CNTN4: variants seen among roughly 807,000 people sequenced by gnomAD.
The protein encoded by CNTN4 is contactin 4, also known as contactin-4.
In CNTN4, 77 loss-of-function variants were observed where a neutral mutation model predicts 122.5. The observed-to-expected ratio is 0.63, with a 90% CI of 0.52 to 0.76. The LOEUF (loss-of-function observed/expected upper bound fraction) is 0.76. Among genes scored for constraint, CNTN4 ranks in the 30% least tolerant of loss-of-function variants. The probability of loss-of-function intolerance (pLI) is 0.00; values close to 1 mark genes in which losing one functional copy is unlikely to be tolerated. For missense variants in CNTN4, 1,256 were observed against 1,259.1 expected, an observed-to-expected ratio of 1.00 and a Z score of 0.04; for synonymous variants, 512 against 447.0, an observed-to-expected ratio of 1.15 and a Z score of -1.83.
At chr3:2,156,234 G>A (rs897055377) in intron 2 of CNTN4, among the ~76,000 whole-genome samples, 8 of 152,190 alleles carry the variant, frequency 5.3e-5, no homozygotes, top group African/African-American at 1.4e-4. Context: ...TGGGGACTTA[G>A]GAGGTGGCTG....
intron 7 of CNTN4, among the ~76,000 whole-genome samples, chr3:2,837,999 A>G (rs1316359063): frequency 4.6e-5 from 7 of 152,234 alleles, no homozygotes; most frequent in Admixed American, 4.6e-4. Flanking sequence ...TAGCTCATAA[A>G]CAATTAAGAA....
chr3:2,395,337 A>G (rs778424687), intron 3 of CNTN4, among the ~76,000 whole-genome samples: 6 of 152,146 alleles, frequency 3.9e-5, no homozygotes, highest in Non-Finnish European at 8.8e-5. Context: ...GAGGTAAGCC[A>G]TTCTTTTGGG....
At chr3:2,746,875 T>C (rs2149566446) in intron 6 of CNTN4, among the ~76,000 whole-genome samples, 1 of 152,366 alleles carries the variant, frequency 6.6e-6, no homozygotes, top group East Asian at 1.9e-4. Context: ...TGTGATTGAA[T>C]GTAACAGAAC....
chr3:2,252,154 A>C (rs1323480811), intron 2 of CNTN4, among the ~76,000 whole-genome samples: 1 of 152,024 alleles, frequency 6.6e-6, no homozygotes, highest in Non-Finnish European at 1.5e-5. Flanking sequence ...AGATATTAGA[A>C]ACAACAGTCT....
chr3:2,102,962 AAAT>A (rs1030396994), intron 2 of CNTN4, among the ~76,000 whole-genome samples: 1 of 152,038 alleles, frequency 6.6e-6, no homozygotes, highest in Non-Finnish European at 1.5e-5. Flanking sequence ...TGGATACAAT[AAAT>A]AATAATAGAA....
chr3:2,742,735 A>T (rs561359549), intron 5 of CNTN4, among the ~76,000 whole-genome samples: 10 of 152,240 alleles, frequency 6.6e-5, no homozygotes, highest in Admixed American at 3.3e-4. Flanking sequence ...CCTTGGGAAA[A>T]TCTCTATTGG....
intron 4 of CNTN4, among the ~76,000 whole-genome samples, chr3:2,608,558 G>T (rs1661614738): frequency 6.6e-6 from 1 of 152,200 alleles, no homozygotes; most frequent in African/African-American, 2.4e-5. Context: ...TACAACCTCT[G>T]CCTCATGGGT....
intron 18 of CNTN4, 112 bp downstream of exon 18, chr3:3,037,440 C>A: frequency 7.1e-7 from 1 of 1,410,114 alleles, no homozygotes; most frequent in Non-Finnish European, 1.0e-6. Flanking sequence ...GTTAGCTCAC[C>A]CTTCCCTTTA....
At chr3:3,030,760 TA>T in intron 15 of CNTN4, 94 bp from the exon 16 acceptor site, 1 of 1,411,748 alleles carries the variant, frequency 7.1e-7, no homozygotes, top group Non-Finnish European at 1.0e-6. Context: ...TCAGCCAGTG[TA>T]AAATAAATCC....
Position 2,745,551 on chromosome 3 carries a change from C to A in CNTN4, c.212C>A (p.Thr71Asn). ...AAGTTAAATGGAACAGATGTTGACA[C>A]TGGTATGGATTTCCGCTACAGTGTT... is the stretch of plus-strand genomic sequence containing the variant. ...RWKLNGTDVD[T>N]GMDFRYSVVE... Residue 71 changes from threonine to asparagine, a missense_variant, in exon 6 of 25, where the codon ACT becomes AAT. Physicochemically the swap from Thr to Asn is moderately conservative, Grantham distance 65. Transcript: ENST00000418658. 1 of 1,614,102 alleles carries A rather than the reference C, an allele frequency of 6.2e-7. No individual in the cohort carries two copies.
chr3:2,325,945 A>G (rs1483148698), intron 2 of CNTN4, among the ~76,000 whole-genome samples: 1 of 152,234 alleles, frequency 6.6e-6, no homozygotes, highest in African/African-American at 2.4e-5. Flanking sequence ...GGGGAAAATT[A>G]TAACTTGATA....
At chr3:2,115,647 C>T (rs1209027680) in intron 2 of CNTN4, among the ~76,000 whole-genome samples, 2 of 152,164 alleles carry the variant, frequency 1.3e-5, no homozygotes, top group African/African-American at 4.8e-5. Flanking sequence ...AGAAAGGTAC[C>T]TTGTAAACTT....
intron 17 of CNTN4, among the ~76,000 whole-genome samples, chr3:3,036,177 A>C (rs1699586077): frequency 1.3e-5 from 2 of 152,228 alleles, no homozygotes; most frequent in Non-Finnish European, 2.9e-5. Context: ...AGACAGCAAA[A>C]GTAGGCTATA....
chr3:2,705,555 T>TAATTTATA (rs1317270249), intron 4 of CNTN4, among the ~76,000 whole-genome samples: 7 of 79,786 alleles, frequency 8.8e-5, no homozygotes, highest in Non-Finnish European at 8.2e-5. Flanking sequence ...TAAATATATA[T>TAATTTATA]AATTTATAAA....
intron 7 of CNTN4, among the ~76,000 whole-genome samples, chr3:2,823,397 T>G (rs1216361744): frequency 1.3e-5 from 2 of 152,240 alleles, no homozygotes; most frequent in Non-Finnish European, 2.9e-5. Context: ...GCAATTAATC[T>G]GTTTTGAAAA....
chr3:2,734,571 C>T (rs1368440712), intron 4 of CNTN4, among the ~76,000 whole-genome samples: 2 of 152,120 alleles, frequency 1.3e-5, no homozygotes, highest in East Asian at 1.9e-4. Flanking sequence ...GTCCTCAGTC[C>T]CCAGTAATAA....
At chr3:2,538,633 G>C (rs2077907781) in intron 3 of CNTN4, among the ~76,000 whole-genome samples, 1 of 151,878 alleles carries the variant, frequency 6.6e-6, no homozygotes, top group African/African-American at 2.4e-5. Context: ...TGAAGCTATT[G>C]ATTGTACTTG....
At chr3:2,574,003 G>T (rs2079544075) in intron 4 of CNTN4, among the ~76,000 whole-genome samples, 1 of 152,070 alleles carries the variant, frequency 6.6e-6, no homozygotes, top group Non-Finnish European at 1.5e-5. Flanking sequence ...GATAACCTGA[G>T]GTCAGGAGTT....
chr3:2,150,594 T>C (rs2035455564), intron 2 of CNTN4, among the ~76,000 whole-genome samples: 1 of 152,230 alleles, frequency 6.6e-6, no homozygotes, highest in African/African-American at 2.4e-5. Flanking sequence ...AGCTTGCACT[T>C]AATCATTTGA....
Sources: gnomAD v4.1 joint callset for allele counts (sites outside exome capture counted in the v4.1 genomes callset) on GRCh38, gnomAD v4.1.1 for gene constraint, MANE v1.5 for transcripts, NCBI Gene and HGNC (gene_info 2026-07-23, HGNC 2026-07-21) for gene names.